PDZD2: variants seen among roughly 807,000 people sequenced by gnomAD.
The protein encoded by PDZD2 is PDZ domain-containing protein 2.
In PDZD2, 90 loss-of-function variants were observed where a neutral mutation model predicts 220.7. The observed-to-expected ratio is 0.41, with a 90% confidence interval of 0.34 to 0.49. The LOEUF (loss-of-function observed/expected upper bound fraction) is 0.49. Ranked by LOEUF, PDZD2 falls within the 20% of genes least tolerant of loss-of-function variation. PDZD2 has a pLI of 0.28. For synonymous variants in PDZD2, 1,375 were observed against 1,450.5 expected, an observed-to-expected ratio of 0.95 and a Z score of 1.18; for missense variants, 3,174 against 3,608.5, an observed-to-expected ratio of 0.88 and a Z score of 3.08.
In PDZD2 at chr5:31,639,672, G is replaced by C. The variant is rs1212233701; in HGVS notation, c.-361+235G>C. ...GACGGGGAGGGCGCAGCCCAGGGGAGGGGGCTAGACAGAGCGGGACCGAGA... is the reference window on the plus strand; with the variant it reads ...GACGGGGAGGGCGCAGCCCAGGGGACGGGGCTAGACAGAGCGGGACCGAGA... On this transcript the variant is annotated intron_variant, in intron 1 of 24. Transcript: ENST00000438447. This position sits in a 1 kb window ranked among gnomAD's most constrained non-coding sequence, Gnocchi z 4.1. 6.6e-6 allele frequency among the ~76,000 whole-genome samples: 1 copy of C among 152,198 alleles called. No homozygotes were observed. Among genetic ancestry groups the C allele is most frequent in the African/African-American group, 2.4e-5 (1 of 41,466 alleles).
Position 31,922,068 on chromosome 5 carries a change from T to C in PDZD2, c.477-61087T>C, listed in dbSNP as rs186426695. 3.2e-3 allele frequency among the ~76,000 whole-genome samples: 484 copies of C among 149,716 alleles called. 3 individuals carry two copies. Among genetic ancestry groups the C allele is most frequent in the African/African-American group, 0.012 (472 of 40,440 alleles). ...CATTGCCTGATTCCCATGGGAAATC[T>C]CCTCCAATTATTTAGAGAAAATTCT... is the stretch of plus-strand genomic sequence containing the variant. On this transcript the variant is annotated intron_variant, in intron 2 of 24. Transcript: ENST00000438447.
At chr5:32,007,223 T>C (rs1360375110) in intron 5 of PDZD2, among the ~76,000 whole-genome samples, 1 of 151,742 alleles carries the variant, frequency 6.6e-6, no homozygotes, top group Non-Finnish European at 1.5e-5. Context: ...CGGCCTGCCA[T>C]GCTGGTCTTA....
intron 2 of PDZD2, chr5:31,855,017 C>T (rs1391289859): frequency 1.0e-6 from 1 of 985,428 alleles, no homozygotes; most frequent in Non-Finnish European, 1.2e-6. Flanking sequence ...GCCCCAGGCC[C>T]CCGGGCCGCC....
At chr5:31,655,755 A>AT (rs35771870) in intron 1 of PDZD2, among the ~76,000 whole-genome samples, 6,972 of 152,214 alleles carry the variant, frequency 0.046, 288 homozygotes, top group East Asian at 0.14. Context: ...AAGCACTGGT[A>AT]TTTTTTGAAG....
At chr5:31,968,742 C>T (rs766489259) in intron 2 of PDZD2, among the ~76,000 whole-genome samples, 2 of 152,128 alleles carry the variant, frequency 1.3e-5, no homozygotes, top group Admixed American at 6.5e-5. Context: ...AACACAAAGG[C>T]GCCATCAGTG....
intron 1 of PDZD2, among the ~76,000 whole-genome samples, chr5:31,782,905 G>GCCAGGCTGGCCA (rs1753138741): frequency 6.6e-6 from 1 of 151,656 alleles, no homozygotes. Context: ...GTAGAGACGG[G>GCCAGGCTGGCCA]GTTTCACCAT....
intron 6 of PDZD2, among the ~76,000 whole-genome samples, chr5:32,019,368 T>G (rs1380521417): frequency 1.3e-5 from 2 of 152,166 alleles, no homozygotes; most frequent in Non-Finnish European, 2.9e-5. Context: ...GGTCTCAAAC[T>G]CCTGGGCTCA....
In PDZD2 at chr5:31,894,058, CTTTTTTTTT is replaced by C. The variant is rs35969573; in HGVS notation, c.477-89079_477-89071del. ...TACAGGCATGCGCCACCACGCCCAG[CTTTTTTTTT>C]TTTTTTTTTTTTTTTTTGGATTTTT... is the stretch of plus-strand genomic sequence containing the variant. On this transcript the variant is annotated intron_variant, in intron 2 of 24. Coordinates refer to ENST00000438447, the MANE Select transcript of PDZD2 (RefSeq NM_178140.4). Among the ~76,000 whole-genome samples, 71 of 69,790 alleles carry C rather than the reference CTTTTTTTTT, an allele frequency of 1.0e-3. 1 individual carries two copies. The highest frequency in any genetic ancestry group is 4.0e-3 in the African/African-American group (65 of 16,056). The allele number at this position is 69,790 out of a possible 152,430, so 45.8% of individuals were successfully genotyped here.
At chr5:31,796,705 TC>T (rs1227641082) in intron 1 of PDZD2, among the ~76,000 whole-genome samples, 1 of 152,106 alleles carries the variant, frequency 6.6e-6, no homozygotes, top group Non-Finnish European at 1.5e-5. Flanking sequence ...GACTATGAAT[TC>T]CTACAGGGCA....
intron 3 of PDZD2, among the ~76,000 whole-genome samples, 160 bp from the exon 4 acceptor site, chr5:31,995,416 A>C (rs142513289): frequency 8.5e-5 from 13 of 152,318 alleles, no homozygotes; most frequent in African/African-American, 2.4e-4. Flanking sequence ...TGCCAGCCAG[A>C]GACTTGGGTC....
chr5:31,844,239 G>A (rs1257843645), intron 2 of PDZD2, among the ~76,000 whole-genome samples: 1 of 152,160 alleles, frequency 6.6e-6, no homozygotes, highest in Non-Finnish European at 1.5e-5. Flanking sequence ...AAGGGTCAAA[G>A]TGGTTGAACT....
At chr5:32,001,529 C>T (rs889388361) in intron 5 of PDZD2, among the ~76,000 whole-genome samples, 1 of 151,148 alleles carries the variant, frequency 6.6e-6, no homozygotes, top group Non-Finnish European at 1.5e-5. Context: ...ACGCCCAGCC[C>T]AGTGTCTGTC....
chr5:31,839,279 G>C (rs1465413011), intron 2 of PDZD2, among the ~76,000 whole-genome samples: 3 of 152,144 alleles, frequency 2.0e-5, no homozygotes, highest in Non-Finnish European at 4.4e-5. Context: ...CAAACAGTAA[G>C]AAGAATGTTT....
intron 1 of PDZD2, among the ~76,000 whole-genome samples, chr5:31,732,008 A>G (rs542226307): frequency 6.6e-6 from 1 of 152,348 alleles, no homozygotes; most frequent in South Asian, 2.1e-4. Context: ...AGCATTAGAA[A>G]GAACCTTAAA....
At chr5:31,894,266 C>T (rs991407618) in intron 2 of PDZD2, among the ~76,000 whole-genome samples, 1 of 151,812 alleles carries the variant, frequency 6.6e-6, no homozygotes, top group Non-Finnish European at 1.5e-5. Flanking sequence ...ACTGAAGTTT[C>T]GACCAAAAGA....
At chr5:31,971,088 G>A (rs554075274) in intron 2 of PDZD2, among the ~76,000 whole-genome samples, 1 of 152,298 alleles carries the variant, frequency 6.6e-6, no homozygotes, top group Admixed American at 6.5e-5. Flanking sequence ...CCTTTCAGGT[G>A]CTCAGATACC....
chr5:31,960,031 A>C (rs1208277544), intron 2 of PDZD2, among the ~76,000 whole-genome samples: 1 of 152,118 alleles, frequency 6.6e-6, no homozygotes, highest in Non-Finnish European at 1.5e-5. Context: ...GGGCTGCCCT[A>C]ATCCAGGATG....
chr5:31,931,964 G>A (rs983436697), intron 2 of PDZD2, among the ~76,000 whole-genome samples: 1 of 152,118 alleles, frequency 6.6e-6, no homozygotes, highest in Non-Finnish European at 1.5e-5. Context: ...GAAGGGAGCT[G>A]CCTCCCCAAA....
chr5:31,867,306 C>G lies in PDZD2; in HGVS notation c.476+67582C>G, dbSNP rs557764545. Among the ~76,000 whole-genome samples the G allele has an allele frequency of 2.6e-5, 4 of 152,338 alleles. No homozygotes were observed. In the East Asian group the frequency reaches 7.7e-4, roughly 29 times the overall value. ...TGTATACAGTTGGGGGCTATCCAGACCAGCCCACTGCTGCTCTGGAGCATC... is the reference window on the plus strand; with the variant it reads ...TGTATACAGTTGGGGGCTATCCAGAGCAGCCCACTGCTGCTCTGGAGCATC... On this transcript the variant is annotated intron_variant, in intron 2 of 24. Coordinates refer to ENST00000438447, the MANE Select transcript of PDZD2 (RefSeq NM_178140.4).
Sources: gnomAD v4.1 joint callset for allele counts (sites outside exome capture counted in the v4.1 genomes callset) on GRCh38, gnomAD v4.1.1 for gene constraint, Gnocchi (gnomAD v3.1) non-coding constraint, MANE v1.5 for transcripts, NCBI Gene and HGNC (gene_info 2026-07-23, HGNC 2026-07-21) for gene names.